Variants in PIP5K1B observed in about 807,000 individuals in gnomAD.
The protein encoded by PIP5K1B is phosphatidylinositol-4-phosphate 5-kinase type 1 beta.
Under a neutral mutation model 67.0 loss-of-function variants are expected in PIP5K1B, and 42 were observed. The observed-to-expected ratio is 0.63, with a 90% CI of 0.49 to 0.81. PIP5K1B has a LOEUF of 0.81. Among genes scored for constraint, PIP5K1B ranks in the 30% least tolerant of loss-of-function variants. PIP5K1B has a pLI of 0.00. For synonymous variants in PIP5K1B, 214 were observed against 231.4 expected, an observed-to-expected ratio of 0.92 and a Z score of 0.68; for missense variants, 459 against 646.3, an observed-to-expected ratio of 0.71 and a Z score of 3.14.
chr9:68,752,649 C>T, intron 2 of PIP5K1B, among the ~76,000 whole-genome samples: 1 of 152,132 alleles, frequency 6.6e-6, no homozygotes, highest in East Asian at 1.9e-4. Context: ...TATTTCATCT[C>T]ATCTTTTGCC....
In PIP5K1B at chr9:68,866,633, C is replaced by T. The variant is rs372194890; in HGVS notation, c.200+2666C>T. On this transcript the variant is annotated intron_variant, in intron 5 of 15. Transcript: ENST00000265382. ...AGAACTGTGCATACAATTACAATTACAAATCAACCCTTTCTCTGGGCTGTC... is the reference window on the plus strand; with the variant it reads ...AGAACTGTGCATACAATTACAATTATAAATCAACCCTTTCTCTGGGCTGTC... Among the ~76,000 whole-genome samples the T allele has an allele frequency of 7.9e-5, 12 of 152,308 alleles. No individual in the cohort carries two copies. The South Asian group carries it at 2.5e-3, about 32-fold the overall frequency.
intron 2 of PIP5K1B, among the ~76,000 whole-genome samples, chr9:68,775,515 G>C (rs1290548567): frequency 6.6e-6 from 1 of 152,174 alleles, no homozygotes; most frequent in Non-Finnish European, 1.5e-5. Flanking sequence ...GTGACTAATG[G>C]GCAGGGAGCA....
intron 1 of PIP5K1B, among the ~76,000 whole-genome samples, chr9:68,720,187 C>T (rs1179133229): frequency 6.6e-6 from 1 of 152,196 alleles, no homozygotes; most frequent in East Asian, 1.9e-4. Context: ...TTTCCCTTGA[C>T]TTCTGAGCTC....
chr9:68,982,385 C>T (rs1194561901), intron 14 of PIP5K1B, among the ~76,000 whole-genome samples: 1 of 152,180 alleles, frequency 6.6e-6, no homozygotes, highest in Non-Finnish European at 1.5e-5. Context: ...AAGAATACTT[C>T]CCAAAGTCAG....
intron 15 of PIP5K1B, among the ~76,000 whole-genome samples, chr9:69,001,950 TAC>T (rs895921365): frequency 6.6e-6 from 1 of 152,254 alleles, no homozygotes; most frequent in Non-Finnish European, 1.5e-5. Context: ...GTTAAAATGT[TAC>T]CACATTAACA....
intron 4 of PIP5K1B, among the ~76,000 whole-genome samples, chr9:68,824,852 C>T (rs1352546951): frequency 6.6e-6 from 1 of 152,142 alleles, no homozygotes; most frequent in Non-Finnish European, 1.5e-5. Flanking sequence ...TGTTTATCTC[C>T]AGGTCCAGAT....
intron 1 of PIP5K1B, chr9:68,708,242 T>G (rs1827215739): frequency 6.8e-6 from 1 of 147,334 alleles, no homozygotes; most frequent in African/African-American, 2.5e-5. Context: ...AGCTCATAAC[T>G]TTTTTTTTTT....
intron 8 of PIP5K1B, among the ~76,000 whole-genome samples, chr9:68,903,828 A>T (rs999338573): frequency 6.6e-6 from 1 of 152,242 alleles, no homozygotes; most frequent in Non-Finnish European, 1.5e-5. Flanking sequence ...TAACCTATAG[A>T]TACCAAAGTA....
chr9:68,799,469 A>G (rs750815543), intron 2 of PIP5K1B, among the ~76,000 whole-genome samples: 1 of 152,218 alleles, frequency 6.6e-6, no homozygotes, highest in Non-Finnish European at 1.5e-5. Context: ...AGTTGAAGGC[A>G]TCACACTTCC....
chr9:68,770,584 G>A (rs952589), intron 2 of PIP5K1B, among the ~76,000 whole-genome samples: 51,391 of 152,046 alleles, frequency 0.34, 9,135 homozygotes, highest in African/African-American at 0.44. Context: ...GTGAGCAGCA[G>A]GCCAGTGAGT....
chr9:68,767,593 T>TA (rs36028796), intron 2 of PIP5K1B, among the ~76,000 whole-genome samples: 96 of 128,390 alleles, frequency 7.5e-4, no homozygotes, highest in Admixed American at 1.4e-3. Context: ...GACTCTGTCT[T>TA]AAAAAAAAAA....
intron 8 of PIP5K1B, among the ~76,000 whole-genome samples, chr9:68,903,913 T>C (rs1825486993): frequency 6.6e-6 from 1 of 152,258 alleles, no homozygotes; most frequent in Non-Finnish European, 1.5e-5. Context: ...CATAATACTT[T>C]ATTGCATGGA....
intron 1 of PIP5K1B, among the ~76,000 whole-genome samples, chr9:68,714,410 G>T (rs1470253971): frequency 6.6e-6 from 1 of 152,122 alleles, no homozygotes; most frequent in Non-Finnish European, 1.5e-5. Flanking sequence ...CATTCCATCT[G>T]CTTCTCATCA....
rs559063905 is a variant in PIP5K1B, at chr9:68,799,660, A to G, written c.-85-18801A>G. Among the ~76,000 whole-genome samples, 71 of 152,342 alleles carry G rather than the reference A, an allele frequency of 4.7e-4. No individual in the cohort carries two copies. In the South Asian group the frequency reaches 0.014, roughly 31 times the overall value. On this transcript the variant is annotated intron_variant, in intron 2 of 15. Transcript: ENST00000265382. ...ATAGGGAAAGATAGTACCTTCAACA[A>G]AGGGTGTTGGGAAAACTGGATATCC...
chr9:68,763,984 C>A (rs1307034728), intron 2 of PIP5K1B, among the ~76,000 whole-genome samples: 1 of 151,612 alleles, frequency 6.6e-6, no homozygotes, highest in African/African-American at 2.4e-5. Context: ...CTGGTTGGTA[C>A]CTTCTCTGGA....
chr9:68,945,461 A>G (rs1279198664), intron 14 of PIP5K1B, among the ~76,000 whole-genome samples: 1 of 152,212 alleles, frequency 6.6e-6, no homozygotes, highest in Non-Finnish European at 1.5e-5. Context: ...GCTTACGTTA[A>G]TGTCTACCTA....
chr9:68,840,514 C>T (rs1459255253), intron 4 of PIP5K1B, among the ~76,000 whole-genome samples: 1 of 152,168 alleles, frequency 6.6e-6, no homozygotes, highest in South Asian at 2.1e-4. Flanking sequence ...ATTTAGTATT[C>T]TTCTGGCTGG....
At chr9:68,912,976 T>C (rs1311031821) in intron 8 of PIP5K1B, among the ~76,000 whole-genome samples, 1 of 152,236 alleles carries the variant, frequency 6.6e-6, no homozygotes, top group Non-Finnish European at 1.5e-5. Flanking sequence ...CTGAGGAATA[T>C]GCTCTCATTT....
intron 11 of PIP5K1B, 60 bp downstream of exon 11, chr9:68,919,789 A>C (rs1826274237): frequency 2.1e-6 from 2 of 935,450 alleles, no homozygotes. Flanking sequence ...GAGACTTCAG[A>C]GTATGTGCAG....
Sources: allele counts gnomAD v4.1 joint callset (sites outside exome capture counted in the v4.1 genomes callset), GRCh38; gene constraint gnomAD v4.1.1; transcripts MANE v1.5; gene names NCBI Gene and HGNC (gene_info 2026-07-23, HGNC 2026-07-21).